Variants in MICAL2 observed in about 807,000 individuals in gnomAD.
The protein encoded by MICAL2 is microtubule associated monooxygenase, calponin and LIM domain containing 2, also known as [F-actin]-monooxygenase MICAL2.
MICAL2 carries 77 observed loss-of-function variants against 127.3 expected under a neutral mutation model. The ratio of observed to expected loss-of-function variants is 0.60; its 90% CI spans 0.50 to 0.73. The LOEUF is 0.73. Among genes scored for constraint, MICAL2 ranks in the 30% least tolerant of loss-of-function variants. MICAL2 has a pLI of 0.00. For missense variants in MICAL2, 1,351 were observed against 1,434.4 expected, an observed-to-expected ratio of 0.94 and a Z score of 0.94; for synonymous variants, 570 against 551.1, an observed-to-expected ratio of 1.03 and a Z score of -0.48.
chr11:12,268,789 G>C (rs1186262551), intron 24 of MICAL2, among the ~76,000 whole-genome samples: 2 of 151,404 alleles, frequency 1.3e-5, no homozygotes, highest in East Asian at 2.0e-4. Flanking sequence ...AGGAGATCGA[G>C]ACCATCCTGG....
intron 32 of MICAL2, among the ~76,000 whole-genome samples, chr11:12,346,710 G>T (rs1938961036): frequency 6.6e-6 from 1 of 152,110 alleles, no homozygotes; most frequent in African/African-American, 2.4e-5. Context: ...TGGCTACGTT[G>T]GTTTTCCCCA....
intron 31 of MICAL2, among the ~76,000 whole-genome samples, chr11:12,325,938 T>C (rs1044173326): frequency 6.6e-6 from 1 of 152,240 alleles, no homozygotes; most frequent in African/African-American, 2.4e-5. Context: ...TATAAAGATA[T>C]AATTGTCTTT....
intron 31 of MICAL2, chr11:12,324,204 G>GTTTTAA (rs1395005502): frequency 8.3e-6 from 9 of 1,089,912 alleles, no homozygotes; most frequent in African/African-American, 1.6e-5. Flanking sequence ...GTTCTCTGAG[G>GTTTTAA]AACCAGATTT....
intron 32 of MICAL2, among the ~76,000 whole-genome samples, chr11:12,333,168 T>C (rs73422797): frequency 0.012 from 1,887 of 152,226 alleles, 34 homozygotes; most frequent in African/African-American, 0.043. Flanking sequence ...CAACCACAGA[T>C]ACAGCAAAGA....
intron 32 of MICAL2, among the ~76,000 whole-genome samples, chr11:12,346,778 T>C (rs760457755): frequency 2.6e-5 from 4 of 152,228 alleles, no homozygotes; most frequent in Non-Finnish European, 5.9e-5. Flanking sequence ...CTCGCCCCTG[T>C]CCGGCACCAC....
At chr11:12,360,956 AAG>A (rs546291500), downstream of MICAL2, among the ~76,000 whole-genome samples, 298 of 152,320 alleles carry the variant, frequency 2.0e-3, 1 homozygote, top group African/African-American at 5.2e-3. Flanking sequence ...CCTTATTTAC[AAG>A]AGAGAGCATT....
chr11:12,297,039 T>G (rs1471307383), downstream of MICAL2, among the ~76,000 whole-genome samples: 1 of 152,142 alleles, frequency 6.6e-6, no homozygotes. Context: ...ATTAAGCATG[T>G]GCGTGAATTT....
chr11:12,114,227 G>T (rs1391883313), intron 1 of MICAL2, among the ~76,000 whole-genome samples: 1 of 152,092 alleles, frequency 6.6e-6, no homozygotes, highest in Non-Finnish European at 1.5e-5. Context: ...ATATTTTAAA[G>T]CAAATGTCTA....
intron 1 of MICAL2, among the ~76,000 whole-genome samples, chr11:12,118,276 T>C (rs146920187): frequency 1.3e-5 from 2 of 152,324 alleles, no homozygotes; most frequent in East Asian, 3.9e-4. Flanking sequence ...CACGGTAAGA[T>C]ATCCACTCAG....
At chr11:12,208,229 G>A in intron 5 of MICAL2, 90 bp downstream of exon 5, 1 of 1,044,706 alleles carries the variant, frequency 9.6e-7, no homozygotes, top group Non-Finnish European at 1.5e-6. Flanking sequence ...TTCTGTAGGA[G>A]TTATTCTTAC....
intron 32 of MICAL2, among the ~76,000 whole-genome samples, chr11:12,337,419 G>A (rs1377645198): frequency 2.6e-5 from 4 of 152,014 alleles, no homozygotes; most frequent in Non-Finnish European, 5.9e-5. Flanking sequence ...TGGATTCATT[G>A]ATTTTTTGAA....
intron 3 of MICAL2, among the ~76,000 whole-genome samples, chr11:12,170,879 G>A (rs185070441): frequency 4.4e-4 from 67 of 152,296 alleles, no homozygotes; most frequent in African/African-American, 1.5e-3. Flanking sequence ...GTTCATCCCC[G>A]CGTCTCAAGT....
chr11:12,325,797 A>G (rs895709144), intron 31 of MICAL2, among the ~76,000 whole-genome samples: 4 of 152,164 alleles, frequency 2.6e-5, no homozygotes, highest in African/African-American at 9.7e-5. Flanking sequence ...GCTTCAACAT[A>G]TGCATTTGGG....
downstream of MICAL2, among the ~76,000 whole-genome samples, chr11:12,287,768 A>G (rs1863844963): frequency 6.6e-6 from 1 of 152,196 alleles, no homozygotes; most frequent in African/African-American, 2.4e-5. Context: ...GAACACGCAC[A>G]GTCTCACAGC....
intron 26 of MICAL2, chr11:12,262,064 C>T (rs1271364975): frequency 5.2e-5 from 56 of 1,071,798 alleles, no homozygotes; most frequent in Non-Finnish European, 6.0e-5. Flanking sequence ...TGTGGCGAGA[C>T]AGGGCGTGCC....
intron 2 of MICAL2, among the ~76,000 whole-genome samples, chr11:12,151,783 C>T (rs1355037432): frequency 6.6e-6 from 1 of 152,106 alleles, no homozygotes; most frequent in African/African-American, 2.4e-5. Context: ...GACTTAGAAC[C>T]TGGTCACCTG....
chr11:12,267,614 T>C (rs904529234), downstream of MICAL2, among the ~76,000 whole-genome samples: 10 of 152,206 alleles, frequency 6.6e-5, no homozygotes, highest in African/African-American at 2.4e-4. Flanking sequence ...CTTTTATTTA[T>C]TTGTTTGTTT....
intron 2 of MICAL2, among the ~76,000 whole-genome samples, chr11:12,284,973 GAA>G (rs780991153): frequency 3.9e-5 from 6 of 152,184 alleles, no homozygotes; most frequent in Non-Finnish European, 7.4e-5. Context: ...AATTGCGATA[GAA>G]AAAGAGTTTA....
At chr11:12,294,443 C>T (rs1308710076), downstream of MICAL2, 3 of 1,614,094 alleles carry the variant, frequency 1.9e-6, no homozygotes, top group East Asian at 2.2e-5. Context: ...AGCCTTTAGC[C>T]CTCCTGACCC....
Sources: gnomAD v4.1 joint callset for allele counts (sites outside exome capture counted in the v4.1 genomes callset) on GRCh38, gnomAD v4.1.1 for gene constraint, MANE v1.5 for transcripts, NCBI Gene and HGNC (gene_info 2026-07-23, HGNC 2026-07-21) for gene names.